Variants in RBMS1 observed in about 807,000 individuals in gnomAD.
RBMS1 encodes the protein RNA binding motif single stranded interacting protein 1, also known as RNA-binding motif, single-stranded-interacting protein 1.
A neutral mutation model predicts 62.3 loss-of-function variants in RBMS1; 17 were observed. The ratio of observed to expected loss-of-function variants is 0.27; its 90% confidence interval spans 0.19 to 0.41. RBMS1 has a LOEUF of 0.41. RBMS1 is among the 10% of genes least tolerant of loss of function. The pLI is 1.00. For synonymous variants in RBMS1, 172 were observed against 170.0 expected, an observed-to-expected ratio of 1.01 and a Z score of -0.09; for missense variants, 334 against 504.5, an observed-to-expected ratio of 0.66 and a Z score of 3.24.
chr2:160,408,110 G>A (rs1695863852), intron 1 of RBMS1, among the ~76,000 whole-genome samples: 1 of 151,558 alleles, frequency 6.6e-6, no homozygotes, highest in East Asian at 2.0e-4. Context: ...CTGGTGCAAT[G>A]GTTGGGTCTG....
chr2:160,278,764 A>C lies in RBMS1; in HGVS notation c.952-106T>G, dbSNP rs181459704. On this transcript the variant is annotated intron_variant, in intron 10 of 13. Transcript: ENST00000348849. The stretch of plus-strand genomic sequence containing the variant: ...TACCTTAGTTTGTTTAAGAATGTGA[A>C]GCAAAAACAACCTTCCTCAATCTTG... 46 of 686,526 alleles carry C rather than the reference A, an allele frequency of 6.7e-5. No individual in the cohort carries two copies. In the Admixed American group the frequency reaches 1.5e-3, roughly 22 times the overall value. 42.5% of individuals were successfully genotyped at this position (686,526 alleles called of 1,614,324 possible). A position where few individuals can be genotyped will look rare whatever the true frequency, so the allele number is the denominator to read the frequency against.
At chr2:160,490,723 C>T (rs991617579) in intron 1 of RBMS1, among the ~76,000 whole-genome samples, 1 of 152,034 alleles carries the variant, frequency 6.6e-6, no homozygotes, top group African/African-American at 2.4e-5. Flanking sequence ...TCCATTTTAC[C>T]TGGTATTATC....
chr2:160,392,261 G>C (rs1694904070), intron 1 of RBMS1, among the ~76,000 whole-genome samples: 1 of 152,200 alleles, frequency 6.6e-6, no homozygotes, highest in Admixed American at 6.5e-5. Flanking sequence ...CTACACATCA[G>C]GGGTCTGCAA....
At chr2:160,296,230 C>T (rs900905313) in intron 6 of RBMS1, among the ~76,000 whole-genome samples, 2 of 151,930 alleles carry the variant, frequency 1.3e-5, no homozygotes, top group Non-Finnish European at 2.9e-5. Flanking sequence ...ACAATACTAA[C>T]TTAAAAAACA....
At chr2:160,430,683 T>C (rs2105285747) in intron 1 of RBMS1, among the ~76,000 whole-genome samples, 1 of 152,330 alleles carries the variant, frequency 6.6e-6, no homozygotes, top group East Asian at 1.9e-4. Context: ...AAAAATAGTA[T>C]TTTGGGACCT....
chr2:160,484,357 T>C (rs1051309263), intron 1 of RBMS1, among the ~76,000 whole-genome samples: 2 of 150,372 alleles, frequency 1.3e-5, no homozygotes, highest in Non-Finnish European at 3.0e-5. Flanking sequence ...TAGCCGGACG[T>C]GGTGGCGGGC....
At chr2:160,381,313 T>C (rs1694274275) in intron 1 of RBMS1, among the ~76,000 whole-genome samples, 1 of 152,224 alleles carries the variant, frequency 6.6e-6, no homozygotes. Flanking sequence ...ATATTTTATC[T>C]TTTTGTTACT....
intron 6 of RBMS1, among the ~76,000 whole-genome samples, chr2:160,294,643 A>G (rs978460976): frequency 6.6e-6 from 1 of 152,178 alleles, no homozygotes; most frequent in Non-Finnish European, 1.5e-5. Context: ...TCTTTTCTGT[A>G]CTTGGCTCCA....
At chr2:160,458,598 A>T (rs1684339270) in intron 1 of RBMS1, among the ~76,000 whole-genome samples, 1 of 152,124 alleles carries the variant, frequency 6.6e-6, no homozygotes, top group Admixed American at 6.5e-5. Flanking sequence ...GGGGCTTGAA[A>T]CCAGCCTGGG....
At chr2:160,421,321 C>T (rs1388404085) in intron 1 of RBMS1, among the ~76,000 whole-genome samples, 3 of 151,734 alleles carry the variant, frequency 2.0e-5, no homozygotes, top group Non-Finnish European at 2.9e-5. Flanking sequence ...CGACAGGCCC[C>T]GGTGTGTGAT....
intron 1 of RBMS1, among the ~76,000 whole-genome samples, chr2:160,426,853 TC>T (rs869201352): frequency 7.2e-6 from 1 of 138,076 alleles, no homozygotes; most frequent in Admixed American, 7.1e-5. Context: ...GGGGAGCATG[TC>T]AGGGGGAAAA....
Position 160,295,020 on chromosome 2 carries a change from G to GA in RBMS1, c.640+5630dup, listed in dbSNP as rs80278281. Among the ~76,000 whole-genome samples, 608 of 120,148 alleles carry GA rather than the reference G, an allele frequency of 5.1e-3. 2 individuals carry two copies. The highest frequency in any genetic ancestry group is 0.013 in the African/African-American group (413 of 32,140). The allele number at this position is 120,148 out of a possible 152,430, so 78.8% of individuals were successfully genotyped here. A position where few individuals can be genotyped will look rare whatever the true frequency, so the allele number is the denominator to read the frequency against. ...AATTCTGAAGTCACCATGTATACAA[G>GA]AAAAAAAAAAAAAAGAAAAAAGAAG... is the stretch of plus-strand genomic sequence containing the variant. On this transcript the variant is annotated intron_variant, in intron 6 of 13. Coordinates refer to ENST00000348849, the MANE Select transcript of RBMS1 (RefSeq NM_016836.4).
chr2:160,338,598 T>C (rs1418832971), intron 2 of RBMS1, among the ~76,000 whole-genome samples: 1 of 152,216 alleles, frequency 6.6e-6, no homozygotes, highest in African/African-American at 2.4e-5. Context: ...GCTTGCTATC[T>C]ATATATCTTT....
At chr2:160,492,501 G>A (rs1685874960) in intron 1 of RBMS1, among the ~76,000 whole-genome samples, 1 of 152,136 alleles carries the variant, frequency 6.6e-6, no homozygotes, top group African/African-American at 2.4e-5. Flanking sequence ...ATCGATCTGT[G>A]GCAAACATAT....
intron 1 of RBMS1, among the ~76,000 whole-genome samples, chr2:160,472,997 A>G (rs1428502051): frequency 2.0e-5 from 3 of 152,218 alleles, no homozygotes; most frequent in Admixed American, 2.0e-4. Context: ...GTTTAATTGT[A>G]TATATTCCAA....
At chr2:160,301,363 C>T (rs1039303664) in intron 5 of RBMS1, among the ~76,000 whole-genome samples, 19 of 152,168 alleles carry the variant, frequency 1.2e-4, no homozygotes, top group Non-Finnish European at 1.5e-5. Flanking sequence ...ATCTGAGAAA[C>T]ATTGCTGGGA....
At chr2:160,325,493 G>GA (rs1690871273) in intron 2 of RBMS1, among the ~76,000 whole-genome samples, 1 of 152,104 alleles carries the variant, frequency 6.6e-6, no homozygotes, top group Non-Finnish European at 1.5e-5. Flanking sequence ...TGGGAAAAAA[G>GA]AAAAAATACA....
At chr2:160,302,056 G>C (rs896114742) in intron 5 of RBMS1, among the ~76,000 whole-genome samples, 2 of 152,064 alleles carry the variant, frequency 1.3e-5, no homozygotes, top group Admixed American at 1.3e-4. Flanking sequence ...TTAGAATTCT[G>C]ATCAAAATCA....
At chr2:160,429,000 T>C (rs1157247003) in intron 1 of RBMS1, among the ~76,000 whole-genome samples, 1 of 152,238 alleles carries the variant, frequency 6.6e-6, no homozygotes, top group Non-Finnish European at 1.5e-5. Context: ...CTTTCCAAGC[T>C]GCACTTTTCA....
Sources: allele counts gnomAD v4.1 joint callset (sites outside exome capture counted in the v4.1 genomes callset), GRCh38; gene constraint gnomAD v4.1.1; transcripts MANE v1.5; gene names NCBI Gene and HGNC (gene_info 2026-07-23, HGNC 2026-07-21).